Variants in FTCDNL1 observed in about 807,000 individuals in gnomAD.
The protein encoded by FTCDNL1 is formiminotransferase cyclodeaminase N-terminal like.
In FTCDNL1, 11 loss-of-function variants were observed where a neutral mutation model predicts 5.9. That is an observed-to-expected ratio of 1.87 (90% CI 1.18 to 3.10). The LOEUF is 3.10. FTCDNL1 is among the 30% of genes most tolerant of loss of function. The pLI is 0.00. For synonymous variants in FTCDNL1, 58 were observed against 24.8 expected, an observed-to-expected ratio of 2.34 and a Z score of -3.99; for missense variants, 115 against 65.5, an observed-to-expected ratio of 1.76 and a Z score of -2.61.
intron 3 of FTCDNL1, among the ~76,000 whole-genome samples, chr2:199,765,552 A>ATTTT (rs1408657776): frequency 2.9e-4 from 17 of 57,734 alleles, no homozygotes; most frequent in Non-Finnish European, 4.0e-4. Flanking sequence ...ATATATATAT[A>ATTTT]TATATTTTTT....
chr2:199,747,450 C>A, the FTCDNL1 span, among the ~76,000 whole-genome samples: 1 of 152,162 alleles, frequency 6.6e-6, no homozygotes, highest in Admixed American at 6.5e-5. Context: ...TGTTCACACT[C>A]ACAGAGGGTT....
chr2:199,776,484 A>G (rs928185995), intron 3 of FTCDNL1, among the ~76,000 whole-genome samples: 1 of 152,228 alleles, frequency 6.6e-6, no homozygotes, highest in Non-Finnish European at 1.5e-5. Context: ...ATCCAATGGC[A>G]TATCTAGTCC....
Position 199,810,266 on chromosome 2 carries a change from T to C in FTCDNL1, c.*2439A>G, listed in dbSNP as rs568032091. 1.3e-5 allele frequency among the ~76,000 whole-genome samples: 2 copies of C among 152,264 alleles called. No homozygotes were observed. Among genetic ancestry groups the C allele is most frequent in the South Asian group, 4.1e-4 (2 of 4,820 alleles). ...TCTCTCCGAAACAAACTCCTGTCAT[T>C]ATTGAATTAGGTTAATATCAGATTA... On this transcript the variant is annotated 3_prime_UTR_variant, in exon 5 of 5. Coordinates refer to ENST00000420128, the MANE Select transcript of FTCDNL1 (RefSeq NM_001363886.2).
At chr2:199,678,085 A>C in the FTCDNL1 span, among the ~76,000 whole-genome samples, 2 of 152,318 alleles carry the variant, frequency 1.3e-5, no homozygotes, top group African/African-American at 4.8e-5. Flanking sequence ...AAATATGTCG[A>C]AAGACAAACA....
intron 4 of FTCDNL1, among the ~76,000 whole-genome samples, chr2:199,813,451 A>G (rs1171621677): frequency 1.3e-5 from 2 of 152,170 alleles, no homozygotes; most frequent in African/African-American, 4.8e-5. Flanking sequence ...TCATTATATT[A>G]TACTCCTCTT....
intron 3 of FTCDNL1, among the ~76,000 whole-genome samples, chr2:199,802,994 G>C (rs1574556723): frequency 6.6e-6 from 1 of 151,804 alleles, no homozygotes; most frequent in East Asian, 1.9e-4. Flanking sequence ...GACCAGCCTG[G>C]GCAACAGAGT....
chr2:199,808,949 C>T (rs115531376), downstream of FTCDNL1, among the ~76,000 whole-genome samples: 426 of 152,254 alleles, frequency 2.8e-3, 1 homozygote, highest in African/African-American at 9.5e-3. Flanking sequence ...ACACAGCCTC[C>T]GCCAAAGCAA....
chr2:199,679,865 T>G, the FTCDNL1 span, among the ~76,000 whole-genome samples: 1 of 152,190 alleles, frequency 6.6e-6, no homozygotes, highest in Non-Finnish European at 1.5e-5. Context: ...ACTTTTCTAT[T>G]TATAACTTTT....
At chr2:199,736,059 T>G in the FTCDNL1 span, among the ~76,000 whole-genome samples, 1 of 152,222 alleles carries the variant, frequency 6.6e-6, no homozygotes, top group Non-Finnish European at 1.5e-5. Flanking sequence ...TTTGTGACTA[T>G]TGGGAAGTAA....
At chr2:199,835,850 A>G (rs1244177697) in intron 3 of FTCDNL1, among the ~76,000 whole-genome samples, 2 of 152,184 alleles carry the variant, frequency 1.3e-5, no homozygotes, top group African/African-American at 4.8e-5. Flanking sequence ...TCTACTGAAA[A>G]TCAGAAAACC....
At chr2:199,718,411 G>T in the FTCDNL1 span, among the ~76,000 whole-genome samples, 1 of 152,130 alleles carries the variant, frequency 6.6e-6, no homozygotes, top group Non-Finnish European at 1.5e-5. Context: ...GTAGTCCGTG[G>T]TATAAATACA....
chr2:199,685,473 T>C, the FTCDNL1 span, among the ~76,000 whole-genome samples: 1 of 152,272 alleles, frequency 6.6e-6, no homozygotes, highest in Admixed American at 6.5e-5. Flanking sequence ...CTGCACAGTT[T>C]TGTTTTTGTT....
downstream of FTCDNL1, among the ~76,000 whole-genome samples, chr2:199,758,510 G>T (rs1698147900): frequency 6.6e-6 from 1 of 151,710 alleles, no homozygotes; most frequent in Non-Finnish European, 1.5e-5. Context: ...ACACTGCTGG[G>T]GTGATTGTAA....
At chr2:199,809,245 C>CT (rs200838021), downstream of FTCDNL1, among the ~76,000 whole-genome samples, 67 of 142,720 alleles carry the variant, frequency 4.7e-4, no homozygotes, top group Admixed American at 9.1e-4. Flanking sequence ...TGAGTTCGGC[C>CT]TTTTTTTTTT....
chr2:199,824,232 T>C (rs933529649), intron 3 of FTCDNL1, among the ~76,000 whole-genome samples: 11 of 152,238 alleles, frequency 7.2e-5, no homozygotes, highest in African/African-American at 2.7e-4. Context: ...GCTTCTTTCC[T>C]TCAATCTCAT....
At chr2:199,744,007 TTA>T in the FTCDNL1 span, among the ~76,000 whole-genome samples, 1 of 152,198 alleles carries the variant, frequency 6.6e-6, no homozygotes, top group Non-Finnish European at 1.5e-5. Flanking sequence ...GCCTTAGGCT[TTA>T]TATGTTTCTT....
intron 3 of FTCDNL1, among the ~76,000 whole-genome samples, chr2:199,775,912 CT>C (rs71019085): frequency 0.45 from 52,944 of 117,494 alleles, 10,306 homozygotes; most frequent in East Asian, 0.63. Context: ...GCAGGATCTC[CT>C]TTTTTTTTTT....
the FTCDNL1 span, among the ~76,000 whole-genome samples, chr2:199,702,073 T>C: frequency 0.011 from 1,669 of 151,672 alleles, 34 homozygotes; most frequent in African/African-American, 0.038. Flanking sequence ...AAAAAATAAG[T>C]GGGAGCTAAA....
At chr2:199,765,654 A>G (rs981760577) in intron 3 of FTCDNL1, among the ~76,000 whole-genome samples, 5 of 144,596 alleles carry the variant, frequency 3.5e-5, no homozygotes, top group South Asian at 2.3e-4. Flanking sequence ...CGATCCTCCC[A>G]CCTCAACCTC....
Sources: allele counts gnomAD v4.1 joint callset (sites outside exome capture counted in the v4.1 genomes callset), GRCh38; gene constraint gnomAD v4.1.1; transcripts MANE v1.5; gene names NCBI Gene and HGNC (gene_info 2026-07-23, HGNC 2026-07-21).